Variants in C1orf87 observed in about 807,000 individuals in gnomAD.
The protein encoded by C1orf87 is uncharacterized protein C1orf87.
C1orf87 carries 58 observed loss-of-function variants against 60.5 expected under a neutral mutation model. The observed-to-expected ratio is 0.96, with a 90% CI of 0.78 to 1.19. C1orf87 has a LOEUF of 1.19. Among genes scored for constraint, C1orf87 ranks in the 50% most tolerant of loss-of-function variants. The pLI is 0.00. For synonymous variants in C1orf87, 236 were observed against 227.4 expected, an observed-to-expected ratio of 1.04 and a Z score of -0.34; for missense variants, 673 against 638.6, an observed-to-expected ratio of 1.05 and a Z score of -0.58.
At chr1:60,073,330 A>C (rs184663321) in intron 1 of C1orf87, among the ~76,000 whole-genome samples, 6 of 152,266 alleles carry the variant, frequency 3.9e-5, no homozygotes, top group Non-Finnish European at 5.9e-5. Flanking sequence ...ACAGCTGAAC[A>C]CTCCCTTTTA....
At chr1:60,048,116 C>T (rs976752530) in intron 3 of C1orf87, among the ~76,000 whole-genome samples, 4 of 152,030 alleles carry the variant, frequency 2.6e-5, no homozygotes, top group Admixed American at 1.3e-4. Context: ...AGTGATGGTA[C>T]GTCACTTCTG....
intron 2 of C1orf87, among the ~76,000 whole-genome samples, chr1:60,058,324 A>G (rs1459262655): frequency 2.0e-5 from 3 of 152,158 alleles, no homozygotes; most frequent in Non-Finnish European, 2.9e-5. Flanking sequence ...GAATTCAGTG[A>G]GTGGTAGACT....
intron 8 of C1orf87, among the ~76,000 whole-genome samples, chr1:60,015,585 T>C (rs1645119417): frequency 6.6e-6 from 1 of 152,200 alleles, no homozygotes; most frequent in South Asian, 2.1e-4. Context: ...TTCCTTGGCT[T>C]GCAGATGGCC....
At chr1:60,066,112 G>A (rs1004317058) in intron 2 of C1orf87, among the ~76,000 whole-genome samples, 3 of 152,126 alleles carry the variant, frequency 2.0e-5, no homozygotes, top group African/African-American at 7.2e-5. Context: ...TGATAGTGGA[G>A]GGGCTTGCCT....
At chr1:60,037,969 C>G (rs1645289799) in intron 6 of C1orf87, 23 bp downstream of exon 6, 1 of 1,527,614 alleles carries the variant, frequency 6.5e-7, no homozygotes, top group Non-Finnish European at 9.0e-7. Context: ...GAACAATACC[C>G]TCACAAAAAG....
intron 11 of C1orf87, among the ~76,000 whole-genome samples, chr1:59,995,738 T>G (rs1374957469): frequency 2.0e-5 from 3 of 152,326 alleles, no homozygotes; most frequent in African/African-American, 7.2e-5. Flanking sequence ...TGCCTTCATT[T>G]GTCTCAAACT....
intron 7 of C1orf87, among the ~76,000 whole-genome samples, chr1:60,026,978 C>G (rs1000223113): frequency 5.3e-5 from 8 of 152,168 alleles, no homozygotes; most frequent in African/African-American, 1.9e-4. Flanking sequence ...CCCAAGATAG[C>G]TCATTATGTA....
At chr1:59,999,326 G>A (rs1228700571) in intron 10 of C1orf87, among the ~76,000 whole-genome samples, 1 of 152,130 alleles carries the variant, frequency 6.6e-6, no homozygotes. Flanking sequence ...TCAATTTTGT[G>A]AAAAGCAGAA....
chr1:60,049,672 C>G (rs1334327679), intron 3 of C1orf87, among the ~76,000 whole-genome samples: 1 of 151,980 alleles, frequency 6.6e-6, no homozygotes, highest in Non-Finnish European at 1.5e-5. Context: ...TCCCCTTATC[C>G]CAGATGATAG....
rs1430220869 is a variant in C1orf87, at chr1:60,040,161, C to G, written c.503G>C (p.Ser168Thr). The change falls in exon 5 of 12, where the codon AGT becomes ACT. Residue 168 changes from serine (S) to threonine (T), a missense_variant. Transcript: ENST00000371201. ...DQPEDIGQSP[S>T]GTTNEDAFLL... Reference sequence around the variant, plus strand: ...AAAAGCGTCTTCATTTGTTGTCCCACTTGGGCTCTGGCCAATATCCTAACA... The same window carrying G: ...AAAAGCGTCTTCATTTGTTGTCCCAGTTGGGCTCTGGCCAATATCCTAACA... 2 of 1,613,442 alleles carry G rather than the reference C, an allele frequency of 1.2e-6. No homozygotes were observed. Among genetic ancestry groups the G allele is most frequent in the Non-Finnish European group, 1.7e-6 (2 of 1,179,896 alleles).
chr1:60,058,292 C>T (rs1645471156), intron 2 of C1orf87, among the ~76,000 whole-genome samples: 1 of 152,086 alleles, frequency 6.6e-6, no homozygotes, highest in South Asian at 2.1e-4. Context: ...GTGTTTATTG[C>T]ATGAGTATAT....
chr1:60,066,683 T>C (rs1645548302), intron 2 of C1orf87, among the ~76,000 whole-genome samples: 1 of 115,906 alleles, frequency 8.6e-6, no homozygotes, highest in South Asian at 2.4e-4. Context: ...ACAAATGTTC[T>C]TTTTTTTTTT....
At chr1:60,063,076 A>G (rs1054746306) in intron 2 of C1orf87, among the ~76,000 whole-genome samples, 2 of 152,194 alleles carry the variant, frequency 1.3e-5, no homozygotes, top group African/African-American at 2.4e-5. Flanking sequence ...TAATAGAAGT[A>G]TGATTTTAGC....
intron 9 of C1orf87, among the ~76,000 whole-genome samples, chr1:60,009,754 A>AT (rs1400698754): frequency 2.6e-5 from 4 of 151,966 alleles, no homozygotes; most frequent in Non-Finnish European, 5.9e-5. Context: ...ATCAATGCAT[A>AT]TTTTTTCACC....
chr1:60,047,476 T>C (rs1645380906), intron 3 of C1orf87, among the ~76,000 whole-genome samples: 2 of 152,196 alleles, frequency 1.3e-5, no homozygotes. Context: ...TTGCTTTCGT[T>C]ATAAGTGGAT....
At position 60,033,432 on chromosome 1, in the gene C1orf87, G is replaced by A. The variant is rs755211417; in HGVS notation, c.1029+44C>T. 8.3e-6 allele frequency: 13 copies of A among 1,574,442 alleles called. No homozygotes were observed. In the Admixed American group the frequency reaches 2.2e-4, roughly 27 times the overall value. On this transcript the variant is annotated intron_variant, in intron 7 of 11. Transcript: ENST00000371201. ...ATTGCTATAGACCCAATGCCCTGAAGTGGCCTTTACAGAGGAACAAATCTG... is the reference window on the plus strand; with the variant it reads ...ATTGCTATAGACCCAATGCCCTGAAATGGCCTTTACAGAGGAACAAATCTG...
intron 2 of C1orf87, among the ~76,000 whole-genome samples, chr1:60,064,830 A>T (rs868484217): frequency 3.5e-4 from 32 of 91,742 alleles, no homozygotes; most frequent in African/African-American, 1.5e-3. Flanking sequence ...AATATATATT[A>T]AATATATAAT....
At chr1:60,026,347 AT>A (rs1376329131) in intron 7 of C1orf87, among the ~76,000 whole-genome samples, 2 of 152,174 alleles carry the variant, frequency 1.3e-5, no homozygotes, top group African/African-American at 4.8e-5. Flanking sequence ...AGTACTTTCT[AT>A]TTCCCAGGAT....
intron 2 of C1orf87, among the ~76,000 whole-genome samples, chr1:60,060,389 C>G (rs1645487424): frequency 6.6e-6 from 1 of 152,010 alleles, no homozygotes; most frequent in African/African-American, 2.4e-5. Flanking sequence ...GAGCACCAAG[C>G]CTGGTGTTCC....
Sources: gnomAD v4.1 joint callset for allele counts (sites outside exome capture counted in the v4.1 genomes callset) on GRCh38, gnomAD v4.1.1 for gene constraint, MANE v1.5 for transcripts, NCBI Gene and HGNC (gene_info 2026-07-23, HGNC 2026-07-21) for gene names.